CELA1: variants seen among roughly 807,000 people sequenced by gnomAD.
CELA1 encodes the protein chymotrypsin like elastase 1, also known as chymotrypsin-like elastase family member 1.
Under a neutral mutation model 34.8 loss-of-function variants are expected in CELA1, and 28 were observed. The observed-to-expected ratio is 0.80, with a 90% CI of 0.60 to 1.10. CELA1 has a LOEUF of 1.10. Among genes scored for constraint, CELA1 ranks in the 50% least tolerant of loss-of-function variants. CELA1 has a pLI of 0.00. For synonymous variants in CELA1, 140 were observed against 129.8 expected, an observed-to-expected ratio of 1.08 and a Z score of -0.53; for missense variants, 288 against 327.5, an observed-to-expected ratio of 0.88 and a Z score of 0.93.
chr12:51,329,559 TAAA>T, intron 7 of CELA1, 122 bp downstream of exon 7: 1 of 1,022,924 alleles, frequency 9.8e-7, no homozygotes, highest in Non-Finnish European at 1.4e-6. Context: ...GGGAAGGGAG[TAAA>T]CACATGAATG....
At chr12:51,335,320 G>A (rs17860334) in intron 6 of CELA1, among the ~76,000 whole-genome samples, 1 of 152,042 alleles carries the variant, frequency 6.6e-6, no homozygotes, top group Non-Finnish European at 1.5e-5. Flanking sequence ...GCGGTGGTGC[G>A]ATCTTGGCTC....
intron 6 of CELA1, among the ~76,000 whole-genome samples, chr12:51,339,647 A>T (rs937722631): frequency 6.6e-6 from 1 of 152,254 alleles, no homozygotes; most frequent in Non-Finnish European, 1.5e-5. Context: ...AAGTGAGGGC[A>T]TCGAGCAAGA....
chr12:51,343,424 C>T (rs372575637), intron 3 of CELA1, among the ~76,000 whole-genome samples: 57 of 152,330 alleles, frequency 3.7e-4, no homozygotes, highest in African/African-American at 1.3e-3. Context: ...ACCAGTCAGA[C>T]ATTGACTAGG....
chr12:51,329,202 C>T (rs1344214749), intron 7 of CELA1, among the ~76,000 whole-genome samples: 1 of 144,910 alleles, frequency 6.9e-6, no homozygotes, highest in Non-Finnish European at 1.5e-5. Context: ...TGCAGTGAGT[C>T]GAGATCAAGC....
intron 7 of CELA1, among the ~76,000 whole-genome samples, chr12:51,328,882 T>C (rs931932152): frequency 6.6e-6 from 1 of 152,270 alleles, no homozygotes; most frequent in South Asian, 2.1e-4. Flanking sequence ...GTGAAATGTG[T>C]TGTGTGGCCT....
At chr12:51,345,953 G>A in intron 1 of CELA1, 76 bp from the exon 2 acceptor site, 1 of 990,688 alleles carries the variant, frequency 1.0e-6, no homozygotes, top group Non-Finnish European at 1.5e-6. Flanking sequence ...GGTGGCGATT[G>A]TGCTTTGAGG....
rs756331740 is a variant in CELA1, at chr12:51,343,868, A to T, written c.100-15T>A. 1 of 1,405,710 alleles carries T rather than the reference A, an allele frequency of 7.1e-7. No individual in the cohort carries two copies. The highest frequency in any genetic ancestry group is 1.0e-6 in the Non-Finnish European group (1 of 996,024). 87.1% of individuals were successfully genotyped at this position (1,405,710 alleles called of 1,614,324 possible). On this transcript the variant is annotated splice_polypyrimidine_tract_variant and intron_variant, in intron 2 of 7. Transcript: ENST00000293636. The stretch of plus-strand genomic sequence containing the variant: ...TGGAGGGAAATCTAGATGGGGAGGA[A>T]AGAAAGAAGGGATAGGTTGGTGTTT...
intron 7 of CELA1, 69 bp downstream of exon 7, chr12:51,329,615 T>C: frequency 3.4e-6 from 5 of 1,467,394 alleles, no homozygotes; most frequent in Non-Finnish European, 4.5e-6. Flanking sequence ...CCAACGTTTG[T>C]TCCCCAACCC....
intron 5 of CELA1, 30 bp downstream of exon 5, chr12:51,341,214 T>C (rs1565701732): frequency 6.2e-7 from 1 of 1,612,940 alleles, no homozygotes; most frequent in East Asian, 2.2e-5. Context: ...AAGATCCCCG[T>C]GGTGGATTGT....
chr12:51,339,723 C>T lies in CELA1; in HGVS notation c.609+137G>A. The T allele has an allele frequency of 3.8e-6, 3 of 787,618 alleles. No individual in the cohort carries two copies. The South Asian group carries it at 6.0e-5, about 16-fold the overall frequency. The allele number at this position is 787,618 out of a possible 1,614,324, so 48.8% of individuals were successfully genotyped here. A position where few individuals can be genotyped will look rare whatever the true frequency, so the allele number is the denominator to read the frequency against. ...GTAGAATTACCAGCACAGGATCATTCTCACTTAGACGCCAGAGTAGAAAAT... is the reference window on the plus strand; with the variant it reads ...GTAGAATTACCAGCACAGGATCATTTTCACTTAGACGCCAGAGTAGAAAAT... On this transcript the variant is annotated intron_variant, in intron 6 of 7. Coordinates refer to ENST00000293636, the MANE Select transcript of CELA1 (RefSeq NM_001971.6).
intron 6 of CELA1, among the ~76,000 whole-genome samples, chr12:51,338,974 C>T (rs1946516696): frequency 6.6e-6 from 1 of 152,028 alleles, no homozygotes; most frequent in Non-Finnish European, 1.5e-5. Context: ...ATAAAAAAAG[C>T]TTAAAAAGAG....
In CELA1 at chr12:51,329,728, T is replaced by A. The variant is rs201987434; in HGVS notation, c.715A>T (p.Thr239Ser). The A allele has an allele frequency of 6.2e-7, 1 of 1,613,958 alleles. No individual in the cohort carries two copies. Among genetic ancestry groups the A allele is most frequent in the Non-Finnish European group, 8.5e-7 (1 of 1,179,974 alleles). Residue 239 changes from threonine to serine, a missense_variant, in exon 7 of 8, where the codon ACA (threonine) becomes TCA (serine). Thr to Ser is a moderately conservative substitution (Grantham distance 58). Transcript: ENST00000293636. ...SRGCNVSRKP[T>S]VFTQVSAYIS... Reference sequence around the variant, plus strand: ...TAAGCAGAGACCTGGGTGAAGACTGTAGGCTTCCTGGAGACATTACAGCCC... The same window carrying A: ...TAAGCAGAGACCTGGGTGAAGACTGAAGGCTTCCTGGAGACATTACAGCCC...
At chr12:51,334,753 A>G (rs1332521198) in intron 6 of CELA1, among the ~76,000 whole-genome samples, 10 of 152,082 alleles carry the variant, frequency 6.6e-5, no homozygotes, top group Non-Finnish European at 1.5e-5. Context: ...CATTTTTTAT[A>G]GTTTCAGCCA....
At chr12:51,344,647 C>T (rs888004124) in intron 2 of CELA1, among the ~76,000 whole-genome samples, 3 of 151,210 alleles carry the variant, frequency 2.0e-5, no homozygotes, top group Non-Finnish European at 4.4e-5. Context: ...GCTGAGATAG[C>T]GTCACTGCAC....
At chr12:51,342,783 C>T in intron 3 of CELA1, 83 bp from the exon 4 acceptor site, 63 of 1,334,232 alleles carry the variant, frequency 4.7e-5, no homozygotes, top group Middle Eastern at 2.1e-4. Flanking sequence ...GAAAAACCAT[C>T]TTTTTTTTTA....
intron 6 of CELA1, 135 bp from the exon 7 acceptor site, chr12:51,329,968 C>T: frequency 4.4e-6 from 3 of 682,748 alleles, no homozygotes; most frequent in Non-Finnish European, 7.1e-6. Flanking sequence ...TCCTTCATGT[C>T]CCCACAATCA....
At position 51,341,236 on chromosome 12, in the gene CELA1, C is replaced by T; in HGVS notation, c.463+8G>A. On this transcript the variant is annotated splice_region_variant and intron_variant, in intron 5 of 7. Transcript: ENST00000293636. ...CCGTGGTGGATTGTGCCAATGTAGG[C>T]AACTTACTCTTGGTCTTGCCCCAGC... The T allele has an allele frequency of 1.2e-6, 2 of 1,613,958 alleles. No individual in the cohort carries two copies. Among genetic ancestry groups the T allele is most frequent in the Non-Finnish European group, 1.7e-6 (2 of 1,179,970 alleles).
chr12:51,331,564 A>G (rs1326746391), intron 6 of CELA1, among the ~76,000 whole-genome samples: 1 of 152,260 alleles, frequency 6.6e-6, no homozygotes, highest in Admixed American at 6.5e-5. Context: ...AGATATAGAG[A>G]AAACAAGAGG....
At chr12:51,336,865 C>T (rs969971981) in intron 6 of CELA1, among the ~76,000 whole-genome samples, 2 of 152,192 alleles carry the variant, frequency 1.3e-5, no homozygotes, top group African/African-American at 4.8e-5. Flanking sequence ...AATTCAGGCC[C>T]TCAAATTTCT....
Sources: gnomAD v4.1 joint callset for allele counts (sites outside exome capture counted in the v4.1 genomes callset) on GRCh38, gnomAD v4.1.1 for gene constraint, MANE v1.5 for transcripts, NCBI Gene and HGNC (gene_info 2026-07-23, HGNC 2026-07-21) for gene names.